The following PAK2 variants were observed in gnomAD, a reference collection of about 807,000 sequenced individuals.
The protein encoded by PAK2 is serine/threonine-protein kinase PAK 2.
PAK2 carries 21 observed loss-of-function variants against 65.9 expected under a neutral mutation model. That is an observed-to-expected ratio of 0.32 (90% CI 0.23 to 0.46). The LOEUF is 0.46. PAK2 is among the 20% of genes least tolerant of loss of function. The pLI is 1.00. For missense variants in PAK2, 324 were observed against 642.6 expected (o/e 0.50, Z 5.36); for synonymous variants, 204 against 219.7 (o/e 0.93, Z 0.63).
At chr3:196,783,892 G>A (rs1388315447) in intron 2 of PAK2, among the ~76,000 whole-genome samples, 1 of 152,152 alleles carries the variant, frequency 6.6e-6, no homozygotes, top group Non-Finnish European at 1.5e-5. Context: ...GATGTATGTG[G>A]TGTAGTTTGT....
chr3:196,811,666 A>G (rs1014467359), intron 8 of PAK2, among the ~76,000 whole-genome samples: 1 of 152,038 alleles, frequency 6.6e-6, no homozygotes, highest in Non-Finnish European at 1.5e-5. Context: ...ATGGATGACC[A>G]TCACAAATCC....
At chr3:196,784,223 CT>C (rs869153119) in intron 2 of PAK2, among the ~76,000 whole-genome samples, 1,294 of 117,724 alleles carry the variant, frequency 0.011, 10 homozygotes, top group Middle Eastern at 0.065. Context: ...TTTTTTTTTT[CT>C]TTTTTTTTTT....
At chr3:196,781,641 A>G (rs970417273) in intron 1 of PAK2, among the ~76,000 whole-genome samples, 4 of 152,254 alleles carry the variant, frequency 2.6e-5, no homozygotes. Flanking sequence ...TCAAATTTTC[A>G]GAGACCAAAT....
rs1045838571 is a variant in PAK2 at position 196,791,917 on chromosome 3, TC to T, written c.187+9086del. Reference sequence around the variant, plus strand: ...TCCAACCTGGGCGACAGAGCGAGACTCCGTCAAAAAAAAAAAAAAAGAAATA... The same window carrying T: ...TCCAACCTGGGCGACAGAGCGAGACTCGTCAAAAAAAAAAAAAAAGAAATA... On this transcript the variant is annotated intron_variant, in intron 2 of 14. Transcript: ENST00000327134. The surrounding 1 kb of genome is among the most constrained non-coding windows in gnomAD (Gnocchi z 4.0). Among the ~76,000 whole-genome samples, 7 of 128,198 alleles carry T rather than the reference TC, an allele frequency of 5.5e-5. No individual in the cohort carries two copies. The highest frequency in any genetic ancestry group is 2.1e-4 in the African/African-American group (7 of 32,744). 84.1% of individuals were successfully genotyped at this position (128,198 alleles called of 152,430 possible). A position where few individuals can be genotyped will look rare whatever the true frequency, so the allele number is the denominator to read the frequency against.
At chr3:196,793,804 G>C (rs753184442) in intron 2 of PAK2, among the ~76,000 whole-genome samples, 2 of 152,158 alleles carry the variant, frequency 1.3e-5, no homozygotes, top group African/African-American at 4.8e-5. Context: ...ACAAACAAAA[G>C]ATAGCAATAG....
chr3:196,798,216 C>T (rs962238228), intron 2 of PAK2, among the ~76,000 whole-genome samples: 7 of 152,136 alleles, frequency 4.6e-5, no homozygotes, highest in Non-Finnish European at 7.4e-5. Flanking sequence ...GCCAGACTGA[C>T]AGGGGGCAGT....
chr3:196,754,787 G>A (rs922322524), intron 1 of PAK2, among the ~76,000 whole-genome samples: 10 of 152,114 alleles, frequency 6.6e-5, no homozygotes, highest in African/African-American at 9.7e-5. Context: ...TGGAATTTGC[G>A]CCTGGTAATC....
Position 196,771,703 on chromosome 3 carries a change from T to C in PAK2, c.-21-10923T>C, listed in dbSNP as rs530336917. Among the ~76,000 whole-genome samples, 226 of 152,150 alleles carry C rather than the reference T, an allele frequency of 1.5e-3. 3 individuals are homozygous for C. Among genetic ancestry groups the C allele is most frequent in the African/African-American group, 5.3e-3 (220 of 41,504 alleles). ...CCTCCTGAGTAGCTGGGATTACAGG[T>C]GCTTGCCACCACGCCTGGCTAATTT... On this transcript the variant is annotated intron_variant, in intron 1 of 14. Coordinates refer to ENST00000327134, the MANE Select transcript of PAK2 (RefSeq NM_002577.4).
intron 8 of PAK2, 132 bp downstream of exon 8, chr3:196,810,785 T>A: frequency 1.7e-6 from 1 of 572,742 alleles, no homozygotes. Flanking sequence ...TTGGGGGATT[T>A]GTGTAAATAA....
At chr3:196,792,884 C>T (rs1348192973) in intron 2 of PAK2, among the ~76,000 whole-genome samples, 1 of 152,058 alleles carries the variant, frequency 6.6e-6, no homozygotes, top group Non-Finnish European at 1.5e-5. Flanking sequence ...CTTCAGTACA[C>T]ATTTGGAAGG....
intron 13 of PAK2, among the ~76,000 whole-genome samples, chr3:196,821,092 C>T (rs1032182246): frequency 1.3e-5 from 2 of 152,126 alleles, no homozygotes; most frequent in African/African-American, 2.4e-5. Flanking sequence ...CCACTCGCCT[C>T]GGCTTCCCAA....
At chr3:196,742,347 C>G (rs908469433) in intron 1 of PAK2, among the ~76,000 whole-genome samples, 3 of 152,108 alleles carry the variant, frequency 2.0e-5, no homozygotes, top group African/African-American at 7.2e-5. Flanking sequence ...CTCAGCCTCC[C>G]AAAATGCTGG....
At chr3:196,759,241 G>C (rs1001225092) in intron 1 of PAK2, among the ~76,000 whole-genome samples, 1 of 152,124 alleles carries the variant, frequency 6.6e-6, no homozygotes, top group African/African-American at 2.4e-5. Context: ...CCACTCTTCA[G>C]ATTATTTCTA....
chr3:196,806,479 T>TATCA lies in PAK2; in HGVS notation c.469-98_469-95dup, dbSNP rs1443795347. ...GAGATTTAGTGGTTTTGAAATGAGC[T>TATCA]ATCAAAGAAGCAAACTTTTTGAAGT... On this transcript the variant is annotated intron_variant, in intron 5 of 14. Coordinates refer to ENST00000327134, the MANE Select transcript of PAK2 (RefSeq NM_002577.4). The TATCA allele has an allele frequency of 8.5e-6, 6 of 707,542 alleles. No homozygotes were observed. The African/African-American group carries it at 1.1e-4, about 12-fold the overall frequency. The allele number at this position is 707,542 out of a possible 1,614,324, so 43.8% of individuals were successfully genotyped here.
rs1718406 is a variant in PAK2 at position 196,740,003 on chromosome 3, G to T, written c.-176G>T. 64,825 of 151,548 alleles carry T rather than the reference G, an allele frequency of 0.43. 14,865 individuals carry two copies. The highest frequency in any genetic ancestry group is 0.53 in the Non-Finnish European group (35,613 of 67,698). The allele number at this position is 151,548 out of a possible 1,614,324, so 9.4% of individuals were successfully genotyped here. On this transcript the variant is annotated 5_prime_UTR_variant, in exon 1 of 15. Transcript: ENST00000327134. Reference sequence around the variant, plus strand: ...TCCGCCGCCGCTGGGCCTAGCGGTAGCAGCGGCTGCTCCAGCGCGGCGTCT... The same window carrying T: ...TCCGCCGCCGCTGGGCCTAGCGGTATCAGCGGCTGCTCCAGCGCGGCGTCT...
At chr3:196,777,347 A>G (rs1431766924) in intron 1 of PAK2, among the ~76,000 whole-genome samples, 1 of 151,918 alleles carries the variant, frequency 6.6e-6, no homozygotes, top group East Asian at 1.9e-4. Context: ...GGGACTACAG[A>G]CACGCGCCAC....
At chr3:196,817,020 G>T (rs1284242504) in intron 11 of PAK2, among the ~76,000 whole-genome samples, 5 of 152,030 alleles carry the variant, frequency 3.3e-5, no homozygotes, top group Non-Finnish European at 1.5e-5. Context: ...GGCTCACATT[G>T]ATTAGCCTTC....
At chr3:196,768,486 A>T (rs2108727691) in intron 1 of PAK2, among the ~76,000 whole-genome samples, 1 of 150,008 alleles carries the variant, frequency 6.7e-6, no homozygotes, top group South Asian at 2.1e-4. Flanking sequence ...CCTTTATTTT[A>T]TTTATATATG....
At position 196,820,621 on chromosome 3, in the gene PAK2, T is replaced by C; in HGVS notation, c.1350+54T>C. ...CAATGTTTTTCTTTGAAACTCTTAT[T>C]TAGAACTTGCACGTGCCTGGCACTG... On this transcript the variant is annotated intron_variant, in intron 13 of 14. Coordinates refer to ENST00000327134, the MANE Select transcript of PAK2 (RefSeq NM_002577.4). The surrounding 1 kb of genome is among the most constrained non-coding windows in gnomAD (Gnocchi z 4.6). 9.6e-7 allele frequency: 1 copy of C among 1,043,992 alleles called. No individual in the cohort carries two copies. The allele number at this position is 1,043,992 out of a possible 1,614,324, so 64.7% of individuals were successfully genotyped here. A position where few individuals can be genotyped will look rare whatever the true frequency, so the allele number is the denominator to read the frequency against.
Sources: gnomAD v4.1 joint callset for allele counts (sites outside exome capture counted in the v4.1 genomes callset) on GRCh38, gnomAD v4.1.1 for gene constraint, Gnocchi (gnomAD v3.1) non-coding constraint, MANE v1.5 for transcripts, NCBI Gene and HGNC (gene_info 2026-07-23, HGNC 2026-07-21) for gene names.